The following FAM219A variants were observed in gnomAD, a reference collection of about 807,000 sequenced individuals.
The protein encoded by FAM219A is protein FAM219A.
Under a neutral mutation model 23.4 loss-of-function variants are expected in FAM219A, and 7 were observed. The ratio of observed to expected loss-of-function variants is 0.30; its 90% CI spans 0.17 to 0.56. FAM219A has a LOEUF of 0.56. FAM219A is among the 20% of genes least tolerant of loss of function. The pLI, the probability that FAM219A is intolerant of heterozygous loss-of-function variation, is 0.92. For missense variants in FAM219A, 166 were observed against 246.9 expected (o/e 0.67, Z 2.20); for synonymous variants, 93 against 99.0 (o/e 0.94, Z 0.36).
At chr9:34,422,114 T>G (rs969773835) in intron 1 of FAM219A, among the ~76,000 whole-genome samples, 1 of 152,130 alleles carries the variant, frequency 6.6e-6, no homozygotes, top group Non-Finnish European at 1.5e-5. Context: ...AAAGCTCACG[T>G]TGGGGAGGCA....
At chr9:34,413,581 A>G (rs1421534962) in intron 1 of FAM219A, among the ~76,000 whole-genome samples, 3 of 152,262 alleles carry the variant, frequency 2.0e-5, no homozygotes, top group Non-Finnish European at 2.9e-5. Context: ...AAATGGATTT[A>G]GAGTGACGTA....
At chr9:34,427,212 C>T (rs1346977360) in intron 1 of FAM219A, among the ~76,000 whole-genome samples, 1 of 152,098 alleles carries the variant, frequency 6.6e-6, no homozygotes, top group East Asian at 1.9e-4. Flanking sequence ...TACTCAGTTG[C>T]CCAGGCTGGA....
intron 1 of FAM219A, among the ~76,000 whole-genome samples, chr9:34,442,134 T>C (rs1447035453): frequency 2.0e-5 from 3 of 152,230 alleles, no homozygotes; most frequent in Non-Finnish European, 4.4e-5. Context: ...AACTGTGGCA[T>C]ACACATCACA....
chr9:34,454,217 C>T (rs1196493269), intron 1 of FAM219A, among the ~76,000 whole-genome samples: 1 of 152,198 alleles, frequency 6.6e-6, no homozygotes, highest in Non-Finnish European at 1.5e-5. Flanking sequence ...GCGGGCAGAT[C>T]ATGAGGTCGA....
At position 34,427,200 on chromosome 9, in the gene FAM219A, C is replaced by T. The variant is rs114353059; in HGVS notation, c.61-21236G>A. Among the ~76,000 whole-genome samples, 441 of 152,174 alleles carry T rather than the reference C, an allele frequency of 2.9e-3. 6 individuals carry two copies. The highest frequency in any genetic ancestry group is 9.7e-3 in the African/African-American group (403 of 41,518). On this transcript the variant is annotated intron_variant, in intron 1 of 5. Coordinates refer to ENST00000651358, the MANE Select transcript of FAM219A (RefSeq NM_001184940.2). ...ACCTCTTGTTTTTTTGAGACAGTGC[C>T]TTACTCAGTTGCCCAGGCTGGAGTG...
At chr9:34,416,183 A>AAAAGAAAGAAAGAAAGAAAGAAAG (rs757662813) in intron 1 of FAM219A, among the ~76,000 whole-genome samples, 6 of 64,084 alleles carry the variant, frequency 9.4e-5, no homozygotes, top group East Asian at 1.2e-3. Flanking sequence ...GAAGAAAGAG[A>AAAAGAAAGAAAGAAAGAAAGAAAG]AAAGAAAGAA....
At chr9:34,413,074 G>C (rs568219020) in intron 1 of FAM219A, among the ~76,000 whole-genome samples, 16 of 152,170 alleles carry the variant, frequency 1.1e-4, no homozygotes, top group African/African-American at 3.9e-4. Flanking sequence ...TGTTTGAGGG[G>C]GCATGGTCTT....
chr9:34,436,137 T>C (rs1346528382), intron 1 of FAM219A, among the ~76,000 whole-genome samples: 2 of 152,016 alleles, frequency 1.3e-5, no homozygotes, highest in Non-Finnish European at 2.9e-5. Context: ...TTTCTCACTA[T>C]TATAATGTTG....
intron 1 of FAM219A, among the ~76,000 whole-genome samples, chr9:34,447,560 G>A (rs7846802): frequency 0.18 from 27,715 of 152,110 alleles, 2,738 homozygotes; most frequent in East Asian, 0.33. Flanking sequence ...ACAAAAGAGC[G>A]CTAAGGCTGT....
intron 1 of FAM219A, among the ~76,000 whole-genome samples, chr9:34,433,563 C>G (rs1011211326): frequency 2.6e-5 from 4 of 152,170 alleles, no homozygotes; most frequent in African/African-American, 9.7e-5. Context: ...TGCTCAAGAC[C>G]TTCTGATAGC....
intron 1 of FAM219A, among the ~76,000 whole-genome samples, chr9:34,414,957 TTTTAG>T (rs1449739863): frequency 6.6e-6 from 1 of 152,172 alleles, no homozygotes; most frequent in Non-Finnish European, 1.5e-5. Context: ...TCATTTTTTC[TTTTAG>T]TTTTTTAGAG....
intron 1 of FAM219A, among the ~76,000 whole-genome samples, chr9:34,432,248 C>T (rs752568700): frequency 2.0e-5 from 3 of 152,162 alleles, no homozygotes; most frequent in Non-Finnish European, 4.4e-5. Flanking sequence ...TCAGTCAGTC[C>T]ATTTGCCTGG....
At chr9:34,427,586 C>T (rs1822535409) in intron 1 of FAM219A, among the ~76,000 whole-genome samples, 1 of 152,164 alleles carries the variant, frequency 6.6e-6, no homozygotes, top group South Asian at 2.1e-4. Context: ...TCCACTATGT[C>T]CTCCCAATGC....
chr9:34,413,420 G>A (rs1298771326), intron 1 of FAM219A, among the ~76,000 whole-genome samples: 1 of 152,130 alleles, frequency 6.6e-6, no homozygotes, highest in Non-Finnish European at 1.5e-5. Context: ...AGGATGAAAG[G>A]CGCTCTCCGT....
chr9:34,400,649 T>G lies in FAM219A; in HGVS notation c.*315A>C. The G allele has an allele frequency of 3.9e-6, 1 of 256,712 alleles. No homozygotes were observed. Among genetic ancestry groups the G allele is most frequent in the African/African-American group, 2.2e-5 (1 of 45,042 alleles). The allele number at this position is 256,712 out of a possible 1,614,324, so 15.9% of individuals were successfully genotyped here. A position where few individuals can be genotyped will look rare whatever the true frequency, so the allele number is the denominator to read the frequency against. ...CTCGTTAATGTTGACCTCCCTGCCG[T>G]CCAGTCTTCTCTCTTGGCCAGCCCT... On this transcript the variant is annotated 3_prime_UTR_variant, in exon 6 of 6. Coordinates refer to ENST00000651358, the MANE Select transcript of FAM219A (RefSeq NM_001184940.2).
intron 1 of FAM219A, among the ~76,000 whole-genome samples, chr9:34,419,276 T>A (rs1257154531): frequency 6.6e-6 from 1 of 151,848 alleles, no homozygotes; most frequent in Non-Finnish European, 1.5e-5. Context: ...CAACACAGAC[T>A]TTTGGGGATG....
chr9:34,424,368 C>T (rs977693435), intron 1 of FAM219A, among the ~76,000 whole-genome samples: 3 of 151,792 alleles, frequency 2.0e-5, no homozygotes, highest in Non-Finnish European at 2.9e-5. Context: ...AAGTCCTCAC[C>T]GAGAGACATT....
chr9:34,456,389 G>C (rs1025588980), intron 1 of FAM219A, among the ~76,000 whole-genome samples: 1 of 152,154 alleles, frequency 6.6e-6, no homozygotes, highest in African/African-American at 2.4e-5. Context: ...AATAACAGAA[G>C]CACCAAGGAC....
At chr9:34,425,486 A>C (rs1822426660) in intron 1 of FAM219A, among the ~76,000 whole-genome samples, 1 of 152,242 alleles carries the variant, frequency 6.6e-6, no homozygotes, top group Non-Finnish European at 1.5e-5. Flanking sequence ...GTCTTAAATA[A>C]ATAAATAAAA....
Sources: gnomAD v4.1 joint callset for allele counts (sites outside exome capture counted in the v4.1 genomes callset) on GRCh38, gnomAD v4.1.1 for gene constraint, MANE v1.5 for transcripts, NCBI Gene and HGNC (gene_info 2026-07-23, HGNC 2026-07-21) for gene names.